Variants in STAG1 observed in about 807,000 individuals in gnomAD.
The protein encoded by STAG1 is STAG1 cohesin complex component.
In STAG1, 26 loss-of-function variants were observed where a neutral mutation model predicts 170.9. That is an observed-to-expected ratio of 0.15 (90% CI 0.11 to 0.21). STAG1 has a LOEUF of 0.21. Among genes scored for constraint, STAG1 ranks in the 10% least tolerant of loss-of-function variants. The probability of loss-of-function intolerance (pLI) is 1.00; values close to 1 mark genes in which losing one functional copy is unlikely to be tolerated. For synonymous variants in STAG1, 514 were observed against 497.7 expected (o/e 1.03, Z -0.44); for missense variants, 964 against 1,509.5 (o/e 0.64, Z 5.99).
intron 4 of STAG1, among the ~76,000 whole-genome samples, chr3:136,578,325 G>T (rs989903149): frequency 1.2e-4 from 18 of 152,200 alleles, no homozygotes; most frequent in African/African-American, 4.1e-4. Context: ...TTGGCCTGCA[G>T]AGATCTTGGG....
chr3:136,356,909 T>C (rs6790219), intron 28 of STAG1, among the ~76,000 whole-genome samples: 12,225 of 150,964 alleles, frequency 0.081, 1,618 homozygotes, highest in African/African-American at 0.28. Context: ...TGCACCACCA[T>C]GCCTAGCTAA....
chr3:136,592,852 T>C (rs1013329399), intron 4 of STAG1, among the ~76,000 whole-genome samples: 13 of 152,224 alleles, frequency 8.5e-5, no homozygotes, highest in African/African-American at 3.1e-4. Context: ...AGTCCAGCAA[T>C]AACCACTGTA....
At chr3:136,630,722 C>G in intron 2 of STAG1, 148 bp downstream of exon 2, 1 of 660,766 alleles carries the variant, frequency 1.5e-6, no homozygotes, top group Non-Finnish European at 2.7e-6. Flanking sequence ...TAATTACACA[C>G]CCTACTACTA....
At chr3:136,541,996 A>G in intron 6 of STAG1, 123 bp downstream of exon 6, 3 of 714,344 alleles carry the variant, frequency 4.2e-6, no homozygotes, top group Non-Finnish European at 4.8e-6. Context: ...ATTATCATAT[A>G]TAATTAAAAA....
chr3:136,410,388 A>G (rs2087592779), intron 21 of STAG1, among the ~76,000 whole-genome samples: 1 of 152,172 alleles, frequency 6.6e-6, no homozygotes, highest in Non-Finnish European at 1.5e-5. Context: ...TGGGCAACAG[A>G]GCAAGACTCT....
At chr3:136,469,593 C>A (rs1346114484) in intron 12 of STAG1, among the ~76,000 whole-genome samples, 2 of 152,216 alleles carry the variant, frequency 1.3e-5, no homozygotes, top group African/African-American at 4.8e-5. Context: ...CCATCCCCAT[C>A]AAGCTACCAA....
chr3:136,733,627 T>C (rs1934166152), intron 1 of STAG1, among the ~76,000 whole-genome samples: 2 of 152,186 alleles, frequency 1.3e-5, no homozygotes, highest in African/African-American at 2.4e-5. Flanking sequence ...CAATGGACAA[T>C]AGATTTCTTA....
chr3:136,376,691 G>A (rs940040255), intron 23 of STAG1, among the ~76,000 whole-genome samples: 1 of 152,200 alleles, frequency 6.6e-6, no homozygotes, highest in Non-Finnish European at 1.5e-5. Context: ...GCATGCATGT[G>A]TGAGAAACTT....
At chr3:136,432,514 TGGG>T (rs61616234) in intron 16 of STAG1, among the ~76,000 whole-genome samples, 13 of 100,430 alleles carry the variant, frequency 1.3e-4, no homozygotes, top group Non-Finnish European at 1.8e-4. Context: ...TCTTTTTTTT[TGGG>T]GGGGGGGGGG....
Position 136,446,284 on chromosome 3 carries a change from T to A in STAG1, c.1429-2880A>T, listed in dbSNP as rs1360219907. ...TTTATTTGCTCACCAATGTTTCTTATACTCCTCTTTTCCTTTTATTGTATT... is the reference window on the plus strand; with the variant it reads ...TTTATTTGCTCACCAATGTTTCTTAAACTCCTCTTTTCCTTTTATTGTATT... On this transcript the variant is annotated intron_variant, in intron 14 of 33. Coordinates refer to ENST00000383202, the MANE Select transcript of STAG1 (RefSeq NM_005862.3). Among the ~76,000 whole-genome samples, 4 of 152,322 alleles carry A rather than the reference T, an allele frequency of 2.6e-5. No individual in the cohort carries two copies. The South Asian group carries it at 8.3e-4, about 32-fold the overall frequency.
chr3:136,462,034 A>T (rs1021033324), intron 13 of STAG1, among the ~76,000 whole-genome samples: 18 of 152,166 alleles, frequency 1.2e-4, no homozygotes, highest in African/African-American at 4.3e-4. Context: ...ATTATCATAA[A>T]GACAAAAAAA....
intron 1 of STAG1, chr3:136,736,845 T>C (rs1303250092): frequency 6.3e-7 from 1 of 1,584,976 alleles, no homozygotes; most frequent in East Asian, 2.2e-5. Context: ...TTTTTCGCTC[T>C]TTCACAGTGT....
intron 5 of STAG1, among the ~76,000 whole-genome samples, chr3:136,549,593 G>A (rs1936302596): frequency 6.6e-6 from 1 of 151,660 alleles, no homozygotes; most frequent in Non-Finnish European, 1.5e-5. Context: ...GAGCCACCAT[G>A]CCCAGCCTGG....
intron 1 of STAG1, chr3:136,721,590 T>G (rs1046242283): frequency 7.2e-5 from 11 of 152,112 alleles, no homozygotes; most frequent in Admixed American, 7.2e-4. Flanking sequence ...AAAAGTGGTA[T>G]TAAGAATTAC....
intron 1 of STAG1, among the ~76,000 whole-genome samples, chr3:136,668,947 A>C (rs1258399076): frequency 6.6e-6 from 1 of 152,226 alleles, no homozygotes; most frequent in Non-Finnish European, 1.5e-5. Context: ...TTTTCCAACT[A>C]TGCTTGCTTT....
intron 5 of STAG1, among the ~76,000 whole-genome samples, chr3:136,544,002 A>G (rs1268569988): frequency 6.6e-6 from 1 of 152,108 alleles, no homozygotes; most frequent in East Asian, 1.9e-4. Context: ...GCACAGATTC[A>G]AATACTGTTT....
At chr3:136,441,936 G>A (rs1182118385) in intron 15 of STAG1, among the ~76,000 whole-genome samples, 1 of 152,160 alleles carries the variant, frequency 6.6e-6, no homozygotes. Flanking sequence ...GGTGGCTCAC[G>A]CCTGTAATTC....
chr3:136,731,692 AT>A (rs1332583486), intron 1 of STAG1, among the ~76,000 whole-genome samples: 1 of 152,234 alleles, frequency 6.6e-6, no homozygotes, highest in African/African-American at 2.4e-5. Context: ...ACCACACTAT[AT>A]GGCTCATTGT....
chr3:136,462,871 T>C (rs573663123), intron 13 of STAG1, among the ~76,000 whole-genome samples: 1 of 152,304 alleles, frequency 6.6e-6, no homozygotes, highest in Admixed American at 6.5e-5. Context: ...AAAATAAGTA[T>C]ATTCTAAGAC....
Sources: allele counts gnomAD v4.1 joint callset (sites outside exome capture counted in the v4.1 genomes callset), GRCh38; gene constraint gnomAD v4.1.1; transcripts MANE v1.5; gene names NCBI Gene and HGNC (gene_info 2026-07-23, HGNC 2026-07-21).